Variants in RALGAPA2 observed in about 807,000 individuals in gnomAD.
RALGAPA2 encodes the protein ral GTPase-activating protein subunit alpha-2.
In RALGAPA2, 139 loss-of-function variants were observed where a neutral mutation model predicts 230.4. The observed-to-expected ratio is 0.60, with a 90% CI of 0.53 to 0.69. The LOEUF (loss-of-function observed/expected upper bound fraction) is 0.69. Ranked by LOEUF, RALGAPA2 falls within the 30% of genes least tolerant of loss-of-function variation. RALGAPA2 has a pLI of 0.00. For synonymous variants in RALGAPA2, 847 were observed against 837.8 expected (o/e 1.01, Z -0.19); for missense variants, 2,163 against 2,276.0 (o/e 0.95, Z 1.01).
At chr20:20,660,321 C>T (rs1236996746) in intron 3 of RALGAPA2, among the ~76,000 whole-genome samples, 1 of 151,938 alleles carries the variant, frequency 6.6e-6, no homozygotes, top group East Asian at 1.9e-4. Flanking sequence ...TCACTCATGC[C>T]TGTATTTATA....
intron 37 of RALGAPA2, among the ~76,000 whole-genome samples, chr20:20,446,685 G>T (rs2060871938): frequency 6.6e-6 from 1 of 152,232 alleles, no homozygotes; most frequent in Admixed American, 6.5e-5. Flanking sequence ...GTATAATGCA[G>T]AGGGCAAATA....
At chr20:20,480,818 G>A (rs765092747) in intron 36 of RALGAPA2, among the ~76,000 whole-genome samples, 46 of 152,208 alleles carry the variant, frequency 3.0e-4, no homozygotes, top group Non-Finnish European at 6.2e-4. Context: ...TCATCCTGCT[G>A]AGCATGTATA....
Position 20,499,380 on chromosome 20 carries a change from T to C in RALGAPA2, c.5208+3971A>G, listed in dbSNP as rs905172942. On this transcript the variant is annotated intron_variant, in intron 35 of 39. Coordinates refer to ENST00000202677, the MANE Select transcript of RALGAPA2 (RefSeq NM_020343.4). ...GAAATAATTTAAAAAATATTTTATATATAAATTTTATCTTTTAACAAAATA... is the reference window on the plus strand; with the variant it reads ...GAAATAATTTAAAAAATATTTTATACATAAATTTTATCTTTTAACAAAATA... Among the ~76,000 whole-genome samples, 3 of 152,090 alleles carry C rather than the reference T, an allele frequency of 2.0e-5. No homozygotes were observed. In the East Asian group the frequency reaches 5.8e-4, roughly 29 times the overall value.
intron 4 of RALGAPA2, among the ~76,000 whole-genome samples, chr20:20,646,423 T>C (rs1025069690): frequency 2.0e-5 from 3 of 152,222 alleles, no homozygotes; most frequent in Admixed American, 6.5e-5. Context: ...AGTTCCTCTA[T>C]ATATGTCATG....
At chr20:20,570,958 C>T (rs867233095) in intron 23 of RALGAPA2, among the ~76,000 whole-genome samples, 1 of 152,166 alleles carries the variant, frequency 6.6e-6, no homozygotes, top group Non-Finnish European at 1.5e-5. Context: ...CCTTTCTGTT[C>T]GAACTTGAAC....
rs1017973927 is a variant in RALGAPA2 at position 20,574,082 on chromosome 20, C to T, written c.2708-1014G>A. Among the ~76,000 whole-genome samples, 6 of 152,322 alleles carry T rather than the reference C, an allele frequency of 3.9e-5. No homozygotes were observed. In the South Asian group the frequency reaches 1.2e-3, roughly 32 times the overall value. ...CTGCAAGCAAAGTATGAGAGAGTTC[C>T]ACTTGTTCTACATCCTTGCTAGAAC... is the stretch of plus-strand genomic sequence containing the variant. On this transcript the variant is annotated intron_variant, in intron 20 of 39. Coordinates refer to ENST00000202677, the MANE Select transcript of RALGAPA2 (RefSeq NM_020343.4).
chr20:20,709,824 T>G (rs2069776019), intron 1 of RALGAPA2, among the ~76,000 whole-genome samples: 1 of 152,188 alleles, frequency 6.6e-6, no homozygotes, highest in Non-Finnish European at 1.5e-5. Flanking sequence ...TTGTTTTAAA[T>G]ACAGACTACT....
At chr20:20,495,562 T>C in intron 35 of RALGAPA2, among the ~76,000 whole-genome samples, 1 of 152,254 alleles carries the variant, frequency 6.6e-6, no homozygotes, top group East Asian at 1.9e-4. Flanking sequence ...TAATGGAATT[T>C]TACTCCTGCG....
rs2063374840 is a variant in RALGAPA2 at position 20,531,785 on chromosome 20, C to T, written c.3484G>A (p.Val1162Ile). The stretch of plus-strand genomic sequence containing the variant: ...CATATCCAGACCCCAAGGGAGCAAA[C>T]AGCAATGCATCTTTTTAAAAAGAAG... The part of the protein sequence containing the change: ...EPNEYARCIA[V>I]CSLGVWICEE... Residue 1162 changes from valine to isoleucine, a missense_variant, in exon 27 of 40, where the codon GTT (valine) becomes ATT (isoleucine). By Grantham distance (29) the Val-to-Ile change is conservative. Coordinates refer to ENST00000202677, the MANE Select transcript of RALGAPA2 (RefSeq NM_020343.4). 4 of 1,599,796 alleles carry T rather than the reference C, an allele frequency of 2.5e-6. No homozygotes were observed. The African/African-American group carries it at 5.3e-5, about 21-fold the overall frequency.
chr20:20,396,927 G>A (rs553360302), intron 38 of RALGAPA2, among the ~76,000 whole-genome samples, 193 bp from the exon 39 acceptor site: 44 of 152,294 alleles, frequency 2.9e-4, no homozygotes, highest in African/African-American at 8.7e-4. Context: ...AGCCGATGTC[G>A]TGTTTACAAA....
chr20:20,461,833 G>T (rs1341395043), intron 37 of RALGAPA2, among the ~76,000 whole-genome samples: 1 of 152,156 alleles, frequency 6.6e-6, no homozygotes, highest in African/African-American at 2.4e-5. Flanking sequence ...CTCAAAGCCG[G>T]GATGCACTGA....
chr20:20,642,518 T>C (rs1032131159), intron 5 of RALGAPA2, among the ~76,000 whole-genome samples: 6 of 152,194 alleles, frequency 3.9e-5, no homozygotes, highest in African/African-American at 2.4e-5. Flanking sequence ...GCCAGCTCTA[T>C]GTATATCTAA....
intron 23 of RALGAPA2, among the ~76,000 whole-genome samples, chr20:20,563,346 AAT>A (rs536214292): frequency 3.8e-4 from 58 of 152,348 alleles, no homozygotes; most frequent in South Asian, 1.9e-3. Flanking sequence ...ATTAGTAACA[AAT>A]ATATGTCTTG....
chr20:20,465,679 T>C (rs2061406374), intron 37 of RALGAPA2, among the ~76,000 whole-genome samples: 1 of 152,090 alleles, frequency 6.6e-6, no homozygotes, highest in Non-Finnish European at 1.5e-5. Flanking sequence ...AATAGCAGAG[T>C]GTACCACCTT....
At position 20,591,317 on chromosome 20, in the gene RALGAPA2, G is replaced by A. The variant is rs1419486520; in HGVS notation, c.2204-3C>T. On this transcript the variant is annotated splice_region_variant and splice_polypyrimidine_tract_variant and intron_variant, in intron 16 of 39. Coordinates refer to ENST00000202677, the MANE Select transcript of RALGAPA2 (RefSeq NM_020343.4). Reference sequence around the variant, plus strand: ...TGACTGTTGACACTCCTCCACTTCTGTGAGCATTAACAAAACATGCAAAGT... The same window carrying A: ...TGACTGTTGACACTCCTCCACTTCTATGAGCATTAACAAAACATGCAAAGT... The A allele has an allele frequency of 1.2e-6, 2 of 1,611,632 alleles. No individual in the cohort carries two copies. The highest frequency in any genetic ancestry group is 1.1e-5 in the South Asian group (1 of 90,830).
intron 1 of RALGAPA2, among the ~76,000 whole-genome samples, chr20:20,709,833 C>T (rs1429769699): frequency 6.6e-6 from 1 of 152,130 alleles, no homozygotes; most frequent in African/African-American, 2.4e-5. Flanking sequence ...ATACAGACTA[C>T]TTTTTAGGAA....
intron 3 of RALGAPA2, among the ~76,000 whole-genome samples, chr20:20,671,440 GGTAA>G (rs1462754527): frequency 1.3e-5 from 2 of 151,976 alleles, no homozygotes; most frequent in African/African-American, 4.8e-5. Context: ...TTTACAAAGT[GGTAA>G]GTATTCACTT....
intron 23 of RALGAPA2, among the ~76,000 whole-genome samples, chr20:20,553,923 A>C (rs2064001952): frequency 6.6e-6 from 1 of 152,190 alleles, no homozygotes; most frequent in Admixed American, 6.5e-5. Flanking sequence ...AATGTACATG[A>C]ATTTTATTTT....
intron 23 of RALGAPA2, among the ~76,000 whole-genome samples, chr20:20,556,749 A>T (rs886887098): frequency 7.9e-5 from 12 of 152,198 alleles, no homozygotes; most frequent in Non-Finnish European, 1.5e-4. Context: ...ACAGAACTCC[A>T]AAAGAAAATC....
Sources: allele counts gnomAD v4.1 joint callset (sites outside exome capture counted in the v4.1 genomes callset), GRCh38; gene constraint gnomAD v4.1.1; transcripts MANE v1.5; gene names NCBI Gene and HGNC (gene_info 2026-07-23, HGNC 2026-07-21).